Variants in LDLRAD4 observed in about 807,000 individuals in gnomAD.
LDLRAD4 encodes the protein low density lipoprotein receptor class A domain containing 4.
In LDLRAD4, 5 loss-of-function variants were observed where a neutral mutation model predicts 17.0. The observed-to-expected ratio is 0.29, with a 90% CI of 0.15 to 0.62. LDLRAD4 has a LOEUF of 0.62. LDLRAD4 is among the 20% of genes least tolerant of loss of function. LDLRAD4 has a pLI of 0.84. For synonymous variants in LDLRAD4, 168 were observed against 171.8 expected, an observed-to-expected ratio of 0.98 and a Z score of 0.17; for missense variants, 340 against 424.7, an observed-to-expected ratio of 0.80 and a Z score of 1.75.
chr18:13,620,335 G>A (rs570812350), intron 3 of LDLRAD4, among the ~76,000 whole-genome samples: 1 of 152,286 alleles, frequency 6.6e-6, no homozygotes, highest in East Asian at 1.9e-4. Context: ...TAGCATCCCC[G>A]AGCCCCTTGC....
exon 6 of LDLRAD4, chr18:13,649,973 G>A (rs977756670): frequency 5.0e-6 from 2 of 397,872 alleles, no homozygotes; most frequent in Non-Finnish European, 8.8e-6. Flanking sequence ...TTCTTGGTGC[G>A]AGGAAAGTCA....
intron 1 of LDLRAD4, among the ~76,000 whole-genome samples, chr18:13,232,779 C>T (rs564708115): frequency 7.9e-5 from 12 of 152,342 alleles, no homozygotes; most frequent in African/African-American, 1.9e-4. Context: ...GCCCAGGAAG[C>T]GCCACCTCCA....
At chr18:13,583,853 A>T (rs1041336229) in intron 3 of LDLRAD4, among the ~76,000 whole-genome samples, 5 of 152,144 alleles carry the variant, frequency 3.3e-5, no homozygotes, top group Admixed American at 3.3e-4. Context: ...GGCTTAATGA[A>T]TGTCAGGCTC....
intron 4 of LDLRAD4, among the ~76,000 whole-genome samples, chr18:13,629,247 T>C (rs2041449133): frequency 6.6e-6 from 1 of 152,242 alleles, no homozygotes; most frequent in Admixed American, 6.5e-5. Flanking sequence ...GGGGATAGAT[T>C]TGATTTTTGG....
chr18:13,291,795 G>A (rs551269225), intron 1 of LDLRAD4, among the ~76,000 whole-genome samples: 81 of 152,290 alleles, frequency 5.3e-4, no homozygotes, highest in African/African-American at 1.9e-3. Context: ...GCATTCTTGA[G>A]CGTACAATTT....
chr18:13,424,955 C>T (rs530269576), intron 2 of LDLRAD4, among the ~76,000 whole-genome samples: 1 of 152,232 alleles, frequency 6.6e-6, no homozygotes, highest in South Asian at 2.1e-4. Context: ...GATTTGAGGT[C>T]GAGGAGTGAC....
chr18:13,550,826 TC>T (rs1307362464), intron 3 of LDLRAD4, among the ~76,000 whole-genome samples: 2 of 152,100 alleles, frequency 1.3e-5, no homozygotes, highest in African/African-American at 4.8e-5. Flanking sequence ...TGGCTCCAAG[TC>T]CCTTCCTCTG....
intron 3 of LDLRAD4, among the ~76,000 whole-genome samples, chr18:13,467,431 T>G (rs1330672924): frequency 1.3e-5 from 2 of 152,336 alleles, no homozygotes; most frequent in Admixed American, 1.3e-4. Flanking sequence ...TAGAAGTAAA[T>G]TTAACCCAGG....
At chr18:13,296,624 G>A (rs568438849) in intron 1 of LDLRAD4, among the ~76,000 whole-genome samples, 1 of 148,426 alleles carries the variant, frequency 6.7e-6, no homozygotes, top group Admixed American at 6.7e-5. Context: ...CAATCCTCCT[G>A]CCTCAGCCTT....
intron 3 of LDLRAD4, chr18:13,613,024 A>G (rs1269888241): frequency 4.3e-6 from 2 of 468,720 alleles, no homozygotes; most frequent in Non-Finnish European, 7.7e-6. Context: ...GGTGTTATGC[A>G]TGAGTACACA....
intron 4 of LDLRAD4, among the ~76,000 whole-genome samples, chr18:13,643,063 G>A (rs896107578): frequency 2.0e-5 from 3 of 151,838 alleles, no homozygotes; most frequent in African/African-American, 4.8e-5. Context: ...ACCCTCCCGA[G>A]TAGCTGGGAT....
intron 1 of LDLRAD4, among the ~76,000 whole-genome samples, chr18:13,243,857 A>C (rs1598862721): frequency 7.4e-6 from 1 of 135,618 alleles, no homozygotes; most frequent in African/African-American, 2.8e-5. Flanking sequence ...GTACTCACTC[A>C]CCCACCCACA....
rs76707942 is a variant in LDLRAD4 at position 13,222,406 on chromosome 18, A to G, written c.-467+3418A>G. On this transcript the variant is annotated intron_variant, in intron 1 of 5. Coordinates refer to the LDLRAD4 transcript ENST00000399848. ...TAAGGATGCTTTATTGTCTGCTGGAAAAAGAGAAGCATTTACGAAACTTTA... is the reference window on the plus strand; with the variant it reads ...TAAGGATGCTTTATTGTCTGCTGGAGAAAGAGAAGCATTTACGAAACTTTA... Among the ~76,000 whole-genome samples the G allele has an allele frequency of 5.7e-3, 874 of 152,182 alleles. 29 individuals carry two copies. Among genetic ancestry groups the G allele is most frequent in the East Asian group, 0.05 (259 of 5,172 alleles).
exon 6 of LDLRAD4, chr18:13,650,508 C>A: frequency 2.5e-6 from 1 of 397,318 alleles, no homozygotes; most frequent in Non-Finnish European, 4.4e-6. Context: ...AACTAAGGTG[C>A]CTCATGTTCT....
At chr18:13,385,676 T>A (rs1428565639) in intron 1 of LDLRAD4, among the ~76,000 whole-genome samples, 2 of 152,186 alleles carry the variant, frequency 1.3e-5, no homozygotes, top group Non-Finnish European at 2.9e-5. Flanking sequence ...CAGGTGGGCT[T>A]CTGTTTTTAT....
intron 1 of LDLRAD4, among the ~76,000 whole-genome samples, chr18:13,334,602 T>G (rs1292820898): frequency 6.6e-6 from 1 of 152,214 alleles, no homozygotes; most frequent in African/African-American, 2.4e-5. Flanking sequence ...GTTTCAGAAT[T>G]TTATTGATTC....
At chr18:13,466,588 C>G (rs2092625104) in intron 3 of LDLRAD4, among the ~76,000 whole-genome samples, 1 of 151,984 alleles carries the variant, frequency 6.6e-6, no homozygotes. Context: ...AACTCTTAAC[C>G]TTCTTTGATT....
intron 3 of LDLRAD4, chr18:13,614,997 G>T (rs1192739213): frequency 6.6e-6 from 1 of 152,490 alleles, no homozygotes; most frequent in Non-Finnish European, 1.5e-5. Flanking sequence ...GGTGGGGCAG[G>T]AGGCGTGCAG....
chr18:13,280,976 A>T (rs1263122725), intron 1 of LDLRAD4, among the ~76,000 whole-genome samples: 3 of 152,228 alleles, frequency 2.0e-5, no homozygotes, highest in Non-Finnish European at 4.4e-5. Flanking sequence ...TAGTACTGGG[A>T]GAAGCAATCA....
Sources: gnomAD v4.1 joint callset for allele counts (sites outside exome capture counted in the v4.1 genomes callset) on GRCh38, gnomAD v4.1.1 for gene constraint, MANE v1.5 for transcripts, NCBI Gene and HGNC (gene_info 2026-07-23, HGNC 2026-07-21) for gene names.